PKD2: variants seen among roughly 807,000 people sequenced by gnomAD.
PKD2 encodes polycystin-2.
In PKD2, 48 loss-of-function variants were observed where a neutral mutation model predicts 105.9. That is an observed-to-expected ratio of 0.45 (90% CI 0.36 to 0.58). The LOEUF is 0.58. Ranked by LOEUF, PKD2 falls within the 20% of genes least tolerant of loss-of-function variation. PKD2 has a pLI of 0.00. For missense variants in PKD2, 1,078 were observed against 1,255.3 expected (o/e 0.86, Z 2.13); for synonymous variants, 464 against 481.1 (o/e 0.96, Z 0.46).
At chr4:88,040,761 T>C (rs1266195003) in intron 4 of PKD2, among the ~76,000 whole-genome samples, 1 of 152,224 alleles carries the variant, frequency 6.6e-6, no homozygotes, top group Non-Finnish European at 1.5e-5. Context: ...AACTCTACAC[T>C]TTGGGTTCTT....
intron 2 of PKD2, among the ~76,000 whole-genome samples, chr4:88,025,858 T>G (rs1450133945): frequency 6.6e-6 from 1 of 152,138 alleles, no homozygotes; most frequent in Non-Finnish European, 1.5e-5. Flanking sequence ...TACCCCTTCT[T>G]TTTCTCTCTC....
Position 88,036,254 on chromosome 4 carries a change from C to T in PKD2, c.744C>T (p.Tyr248=). 6 of 1,613,704 alleles carry T rather than the reference C, an allele frequency of 3.7e-6. No homozygotes were observed. Among genetic ancestry groups the T allele is most frequent in the Non-Finnish European group, 4.2e-6 (5 of 1,179,640 alleles). ...TYGMMSSNVY[Y]YTRMMSQLFL... is the part of the protein sequence containing the mutation. ...GCATGATGAGCTCCAATGTGTACTA[C>T]TACACCCGGATGATGTCACAGCTCT... The change falls in exon 3 of 15, where the codon TAC becomes TAT. Residue 248 remains tyrosine, a synonymous_variant. Coordinates refer to ENST00000237596, the MANE Select transcript of PKD2 (RefSeq NM_000297.4).
intron 10 of PKD2, among the ~76,000 whole-genome samples, chr4:88,062,459 CG>C (rs1182945558): frequency 6.6e-6 from 1 of 152,202 alleles, no homozygotes; most frequent in African/African-American, 2.4e-5. Flanking sequence ...TGACCTTCCA[CG>C]GCAGTTTTAA....
At chr4:88,054,071 ATAATAATAATCAAGATAG>A (rs1323054148) in intron 7 of PKD2, among the ~76,000 whole-genome samples, 152 of 151,730 alleles carry the variant, frequency 1.0e-3, no homozygotes, top group South Asian at 6.6e-3. Flanking sequence ...TATTAGTTTA[ATAATAATAATCAAGATAG>A]TAATAATAAT....
At chr4:88,046,977 C>G (rs1192317582) in intron 6 of PKD2, 107 bp downstream of exon 6, 2 of 768,228 alleles carry the variant, frequency 2.6e-6, no homozygotes, top group African/African-American at 3.4e-5. Flanking sequence ...AAAAAAGAAT[C>G]TAAAAGTCCC....
Position 88,074,914 on chromosome 4 carries a change from G to T in PKD2, c.2625G>T (p.Leu875=). 1 of 1,614,206 alleles carries T rather than the reference G, an allele frequency of 6.2e-7. No individual in the cohort carries two copies. Among genetic ancestry groups the T allele is most frequent in the Non-Finnish European group, 8.5e-7 (1 of 1,180,020 alleles). Residue 875 remains leucine (L), a synonymous_variant, in exon 14 of 15, where the codon CTG becomes CTT. Coordinates refer to ENST00000237596, the MANE Select transcript of PKD2 (RefSeq NM_000297.4). ...TAGAGATTATGGAGCGAGCCAAACTGAAGAGGAGGGAGGTGCTGGGAAGGC... is the reference window on the plus strand; with the variant it reads ...TAGAGATTATGGAGCGAGCCAAACTTAAGAGGAGGGAGGTGCTGGGAAGGC... ...VKLEIMERAK[L]KRREVLGRLL...
chr4:88,010,533 T>C lies in PKD2; in HGVS notation c.595+2205T>C, dbSNP rs141247828. ...TTGGATACTGATGACAGAAATCTTA[T>C]ATGCACTATGTAAGCAGTGCCCTAG... On this transcript the variant is annotated intron_variant, in intron 1 of 14. Coordinates refer to ENST00000237596, the MANE Select transcript of PKD2 (RefSeq NM_000297.4). 1.1e-4 allele frequency among the ~76,000 whole-genome samples: 17 copies of C among 152,340 alleles called. No individual in the cohort carries two copies. In the East Asian group the frequency reaches 2.1e-3, roughly 19 times the overall value.
chr4:88,017,591 G>A (rs1340867183), intron 1 of PKD2, among the ~76,000 whole-genome samples: 1 of 151,994 alleles, frequency 6.6e-6, no homozygotes. Context: ...TGTATTTTTA[G>A]TAGAGACAGG....
At chr4:88,018,090 T>C (rs1471407189) in intron 1 of PKD2, among the ~76,000 whole-genome samples, 1 of 152,254 alleles carries the variant, frequency 6.6e-6, no homozygotes, top group African/African-American at 2.4e-5. Flanking sequence ...TTCTGCTTGC[T>C]GCATTTCTTC....
At chr4:88,022,634 A>G (rs951992213) in intron 2 of PKD2, among the ~76,000 whole-genome samples, 1 of 152,212 alleles carries the variant, frequency 6.6e-6, no homozygotes, top group Admixed American at 6.5e-5. Flanking sequence ...TTTAATTACT[A>G]GTTTTAAAAT....
chr4:88,013,788 A>G lies in PKD2; in HGVS notation c.595+5460A>G, dbSNP rs570644129. Among the ~76,000 whole-genome samples the G allele has an allele frequency of 3.9e-5, 6 of 152,148 alleles. No homozygotes were observed. The South Asian group carries it at 1.2e-3, about 32-fold the overall frequency. On this transcript the variant is annotated intron_variant, in intron 1 of 14. Transcript: ENST00000237596. ...CCAGAGGGAGTAAAACTTGAGCTTC[A>G]TTTTGAAGAATGAGAGGGGAATACA...
At chr4:88,035,615 G>A (rs1219236303) in intron 2 of PKD2, among the ~76,000 whole-genome samples, 1 of 152,212 alleles carries the variant, frequency 6.6e-6, no homozygotes, top group African/African-American at 2.4e-5. Flanking sequence ...CATCCAGGTG[G>A]TGAGGGAATG....
At chr4:88,056,017 T>A (rs957017187) in intron 7 of PKD2, 69 bp from the exon 8 acceptor site, 6 of 978,372 alleles carry the variant, frequency 6.1e-6, no homozygotes, top group African/African-American at 1.6e-5. Context: ...GATGAAATAA[T>A]GTTTTATTAT....
At chr4:88,015,482 G>A (rs574954011) in intron 1 of PKD2, among the ~76,000 whole-genome samples, 48 of 151,682 alleles carry the variant, frequency 3.2e-4, no homozygotes, top group African/African-American at 9.9e-4. Flanking sequence ...GTGTGATCTC[G>A]GCTCACTGTA....
intron 8 of PKD2, 88 bp downstream of exon 8, chr4:88,056,355 A>G: frequency 1.3e-6 from 1 of 775,786 alleles, no homozygotes; most frequent in Non-Finnish European, 2.1e-6. Flanking sequence ...TTGCTATATG[A>G]CCACCAATTA....
At chr4:88,055,894 AT>A (rs1358654312) in intron 7 of PKD2, among the ~76,000 whole-genome samples, 191 bp from the exon 8 acceptor site, 1 of 152,114 alleles carries the variant, frequency 6.6e-6, no homozygotes, top group Non-Finnish European at 1.5e-5. Context: ...TAAGTACCTA[AT>A]TTAAGTGGAA....
chr4:88,019,348 A>C (rs1405635857), intron 1 of PKD2, 110 bp from the exon 2 acceptor site: 5 of 656,754 alleles, frequency 7.6e-6, no homozygotes, highest in Admixed American at 2.8e-5. Flanking sequence ...AAAAAGGAGA[A>C]TCTCCCTTAT....
intron 2 of PKD2, among the ~76,000 whole-genome samples, chr4:88,020,463 C>T (rs1726708960): frequency 6.6e-6 from 1 of 152,086 alleles, no homozygotes; most frequent in Non-Finnish European, 1.5e-5. Flanking sequence ...TTCCCATCCT[C>T]TGGTAGGGGG....
At chr4:88,028,001 A>T (rs972497883) in intron 2 of PKD2, among the ~76,000 whole-genome samples, 6 of 152,242 alleles carry the variant, frequency 3.9e-5, no homozygotes, top group Non-Finnish European at 7.3e-5. Context: ...GCAGTATGAA[A>T]ATGGACTACT....
Sources: allele counts gnomAD v4.1 joint callset (sites outside exome capture counted in the v4.1 genomes callset), GRCh38; gene constraint gnomAD v4.1.1; transcripts MANE v1.5; gene names NCBI Gene and HGNC (gene_info 2026-07-23, HGNC 2026-07-21).